Variants in SEC16A observed in about 807,000 individuals in gnomAD.
The protein encoded by SEC16A is protein transport protein Sec16A.
A neutral mutation model predicts 221.9 loss-of-function variants in SEC16A; 110 were observed. The observed-to-expected ratio is 0.50, with a 90% CI of 0.42 to 0.58. SEC16A has a LOEUF of 0.58. Ranked by LOEUF, SEC16A falls within the 20% of genes least tolerant of loss-of-function variation. The pLI is 0.00. For missense variants in SEC16A, 3,165 were observed against 3,097.8 expected (o/e 1.02, Z -0.52); for synonymous variants, 1,393 against 1,257.7 (o/e 1.11, Z -2.28).
At position 136,447,260 on chromosome 9, in the gene SEC16A, G is replaced by A; in HGVS notation, c.6664C>T (p.Pro2222Ser). The change falls in exon 27 of 32, where the codon CCA becomes TCA. Residue 2222 changes from proline (P) to serine (S), a missense_variant. By Grantham distance (74) the Pro-to-Ser change is moderately conservative. This residue lies in a region of SEC16A where 1,088 missense variants were observed against 1,089.6 expected (regional missense o/e 1.00). Coordinates refer to ENST00000684901, the MANE Select transcript of SEC16A (RefSeq NM_014866.2). The surrounding 1 kb of genome is among the most constrained non-coding windows in gnomAD (Gnocchi z 5.5). Reference sequence around the variant, plus strand: ...GGCACGAACAAGTTAGAAGGAATTGGGAGTGGCGCGAGTGGAGCGACAAAG... The same window carrying A: ...GGCACGAACAAGTTAGAAGGAATTGAGAGTGGCGCGAGTGGAGCGACAAAG... ...ADFVAPLAPL[P>S]IPSNLFVPTP... 6.3e-7 allele frequency: 1 copy of A among 1,597,030 alleles called. No individual in the cohort carries two copies. The highest frequency in any genetic ancestry group is 8.5e-7 in the Non-Finnish European group (1 of 1,172,504).
rs1839777187 is a variant in SEC16A, at chr9:136,463,530, T to A, written c.4580A>T (p.Asn1527Ile). ...NKAMKCLQNENLIDKESASLL... is the reference protein window; with the variant it reads ...NKAMKCLQNEILIDKESASLL... ...ACTTGCAGACTCTTTGTCAATTAAG[T>A]TTTCATTCTGCAAACATTTCATAGC... The change falls in exon 11 of 32, where the codon AAC becomes ATC. Residue 1527 changes from asparagine (N) to isoleucine (I), a missense_variant. Transcript: ENST00000684901. 1 of 1,613,762 alleles carries A rather than the reference T, an allele frequency of 6.2e-7. No individual in the cohort carries two copies. The highest frequency in any genetic ancestry group is 1.7e-5 in the Admixed American group (1 of 60,004).
intron 22 of SEC16A, among the ~76,000 whole-genome samples, chr9:136,451,707 AGAAACG>A (rs1415457209): frequency 2.0e-5 from 3 of 152,312 alleles, no homozygotes; most frequent in Admixed American, 6.5e-5. Flanking sequence ...CCGGGCTGGA[AGAAACG>A]GAGTGTGAGC....
chr9:136,460,596 T>C (rs1009769321), intron 13 of SEC16A, among the ~76,000 whole-genome samples: 2 of 141,310 alleles, frequency 1.4e-5, no homozygotes, highest in African/African-American at 5.1e-5. Flanking sequence ...CTTATCTCAA[T>C]ATTAAAAAAA....
chr9:136,471,764 G>A (rs1485235552), intron 4 of SEC16A, among the ~76,000 whole-genome samples: 1 of 152,256 alleles, frequency 6.6e-6, no homozygotes, highest in Non-Finnish European at 1.5e-5. Flanking sequence ...GACCAGCACA[G>A]CTAATGACCA....
chr9:136,455,107 G>A (rs745412402), intron 20 of SEC16A, among the ~76,000 whole-genome samples: 1 of 152,206 alleles, frequency 6.6e-6, no homozygotes, highest in Non-Finnish European at 1.5e-5. Context: ...CCAGGCATGC[G>A]GACCTGCGTG....
At chr9:136,458,073 C>T (rs1049211114) in intron 17 of SEC16A, among the ~76,000 whole-genome samples, 1 of 152,106 alleles carries the variant, frequency 6.6e-6, no homozygotes, top group African/African-American at 2.4e-5. Context: ...CCTCCCACCT[C>T]AGCCTCCGAG....
chr9:136,457,880 A>G (rs1399076123), intron 17 of SEC16A, among the ~76,000 whole-genome samples: 4 of 152,168 alleles, frequency 2.6e-5, no homozygotes, highest in Non-Finnish European at 4.4e-5. Flanking sequence ...CACAGTCACA[A>G]CGCCCCAAGA....
Position 136,472,105 on chromosome 9 carries a change from A to G in SEC16A, c.3574T>C (p.Tyr1192His). 1 of 1,613,714 alleles carries G rather than the reference A, an allele frequency of 6.2e-7. No individual in the cohort carries two copies. The highest frequency in any genetic ancestry group is 8.5e-7 in the Non-Finnish European group (1 of 1,179,874). The change falls in exon 4 of 32, where the codon TAC (tyrosine) becomes CAC (histidine). Residue 1192 changes from tyrosine to histidine, a missense_variant. Physicochemically the swap from Tyr to His is moderately conservative, Grantham distance 83. Around this residue, in one of 3 missense-constraint regions of SEC16A, gnomAD observed 2,030 missense variants for 1,923.1 expected, o/e 1.06. Transcript: ENST00000684901. ...CTGTATCGAGGCTCATAGAGGCTGTAGACATCCTGTGGGAGGAAGCATTTG... is the reference window on the plus strand; with the variant it reads ...CTGTATCGAGGCTCATAGAGGCTGTGGACATCCTGTGGGAGGAAGCATTTG... ...GAASLYYQDVYSLYEPRYRPY... is the reference protein window; with the variant it reads ...GAASLYYQDVHSLYEPRYRPY...
chr9:136,447,515 CT>C lies in SEC16A; in HGVS notation c.6559+53del. On this transcript the variant is annotated intron_variant, in intron 26 of 31. Coordinates refer to ENST00000684901, the MANE Select transcript of SEC16A (RefSeq NM_014866.2). The surrounding 1 kb of genome is among the most constrained non-coding windows in gnomAD (Gnocchi z 5.5). ...GCACAACAGCTACACATTGGCCTCT[CT>C]CTCTGGGACAGTTAATCGTTCAAGC... 6.4e-7 allele frequency: 1 copy of C among 1,553,438 alleles called. No homozygotes were observed. The highest frequency in any genetic ancestry group is 8.9e-7 in the Non-Finnish European group (1 of 1,129,922).
In SEC16A at chr9:136,447,322, C is replaced by T. The variant is rs1274797489; in HGVS notation, c.6602G>A (p.Gly2201Glu). 1.3e-6 allele frequency: 2 copies of T among 1,596,320 alleles called. No homozygotes were observed. The highest frequency in any genetic ancestry group is 8.5e-7 in the Non-Finnish European group (1 of 1,172,358). ...ARYVDVLNPS[G>E]TQRSEPALAP... ...GAGAGCCGGCTCGCTCCGCTGGGTC[C>T]CGCTTGGGTTCAGGACGTCAACGTA... The change falls in exon 27 of 32, where the codon GGG becomes GAG. Residue 2201 changes from glycine to glutamate, a missense_variant. Transcript: ENST00000684901. The surrounding 1 kb of genome is among the most constrained non-coding windows in gnomAD (Gnocchi z 5.5).
intron 13 of SEC16A, 82 bp from the exon 14 acceptor site, chr9:136,460,205 G>A (rs763566346): frequency 4.2e-5 from 49 of 1,170,156 alleles, no homozygotes; most frequent in African/African-American, 2.0e-4. Flanking sequence ...GCTCACGCCT[G>A]TAATCCCAGC....
At position 136,464,680 on chromosome 9, in the gene SEC16A, CCAACT is replaced by C. The variant is rs531117081; in HGVS notation, c.4304-123_4304-119del. Reference sequence around the variant, plus strand: ...AGGTTAGATTTATCACGACAGACTTCCAACTCAAAAGTCGGTAATTGTTTAATATC... The same window carrying C: ...AGGTTAGATTTATCACGACAGACTTCCAAAAGTCGGTAATTGTTTAATATC... On this transcript the variant is annotated intron_variant, in intron 8 of 31. Transcript: ENST00000684901. The C allele has an allele frequency of 1.2e-3, 1,113 of 913,870 alleles. 13 individuals are homozygous for C. The African/African-American group carries it at 0.016, about 13-fold the overall frequency. 56.6% of individuals were successfully genotyped at this position (913,870 alleles called of 1,614,324 possible).
Position 136,476,742 on chromosome 9 carries a change from G to C in SEC16A, c.874C>G (p.Leu292Val), listed in dbSNP as rs752198196. 1 of 1,608,312 alleles carries C rather than the reference G, an allele frequency of 6.2e-7. No homozygotes were observed. The highest frequency in any genetic ancestry group is 8.5e-7 in the Non-Finnish European group (1 of 1,176,200). The change falls in exon 3 of 32, where the codon CTG becomes GTG. Residue 292 changes from leucine (L) to valine (V), a missense_variant. By Grantham distance (32) the Leu-to-Val change is conservative (BLOSUM62 1). This residue lies in a region of SEC16A where 2,030 missense variants were observed against 1,923.1 expected (regional missense o/e 1.06). Coordinates refer to ENST00000684901, the MANE Select transcript of SEC16A (RefSeq NM_014866.2). ...CTTTCAGGATCAGAGTTATTGGCCA[G>C]GTGGCTTCCACTTTGCAAGTGGCTC... Reference protein sequence around the residue: ...EVSHLQSGSHLANNSDPESTF... With the variant: ...EVSHLQSGSHVANNSDPESTF...
chr9:136,466,184 G>A lies in SEC16A; in HGVS notation c.4129-48C>T, dbSNP rs748758734. 5 of 1,569,088 alleles carry A rather than the reference G, an allele frequency of 3.2e-6. No homozygotes were observed. The South Asian group carries it at 4.7e-5, about 15-fold the overall frequency. The stretch of plus-strand genomic sequence containing the variant: ...CAAAATCAATTCCCCAGGCACAGCA[G>A]TAAAACTTTAGGTACATTGCAAACA... On this transcript the variant is annotated intron_variant, in intron 7 of 31. Coordinates refer to ENST00000684901, the MANE Select transcript of SEC16A (RefSeq NM_014866.2). The surrounding 1 kb of genome is among the most constrained non-coding windows in gnomAD (Gnocchi z 5.5).
At chr9:136,451,963 T>C (rs1837872728) in intron 22 of SEC16A, among the ~76,000 whole-genome samples, 1 of 152,160 alleles carries the variant, frequency 6.6e-6, no homozygotes, top group Admixed American at 6.5e-5. Context: ...GGTTCCAGAA[T>C]GCGGTCTGTA....
Position 136,475,557 on chromosome 9 carries a change from G to A in SEC16A, c.2059C>T (p.His687Tyr), listed in dbSNP as rs1305226123. 1.2e-6 allele frequency: 2 copies of A among 1,613,456 alleles called. No individual in the cohort carries two copies. Among genetic ancestry groups the A allele is most frequent in the Non-Finnish European group, 1.7e-6 (2 of 1,179,748 alleles). The change falls in exon 3 of 32, where the codon CAC becomes TAC. Residue 687 changes from histidine (H) to tyrosine (Y), a missense_variant. Around this residue, in one of 3 missense-constraint regions of SEC16A, gnomAD observed 2,030 missense variants for 1,923.1 expected, o/e 1.06. Transcript: ENST00000684901. This position sits in a 1 kb window ranked among gnomAD's most constrained non-coding sequence, Gnocchi z 5.0. ...GGTGCCCCTGCGTGCGGAAGCATGT[G>A]CACAGCTTCCGTGGTGGAGTTAAGA... The part of the protein sequence containing the change: ...LPLNSTTEAV[H>Y]MLPHAGAPPL...
rs763342318 is a variant in SEC16A at position 136,455,620 on chromosome 9, G to A, written c.5838C>T (p.Ser1946=). Residue 1946 remains serine (S), a synonymous_variant, in exon 20 of 32, where the codon AGC becomes AGT. Coordinates refer to ENST00000684901, the MANE Select transcript of SEC16A (RefSeq NM_014866.2). ...GCTCACCTGAGGGCAGCAGCCGCAC[G>A]CTCGGGCTCGAGTGCTCAGGGCTCG... The part of the protein sequence containing the change: ...PAPSPEHSSP[S]VRLLPSAPQT... 19 of 1,575,632 alleles carry A rather than the reference G, an allele frequency of 1.2e-5. No individual in the cohort carries two copies. The highest frequency in any genetic ancestry group is 1.4e-5 in the African/African-American group (1 of 74,034).
intron 17 of SEC16A, among the ~76,000 whole-genome samples, chr9:136,457,804 C>T (rs950117908): frequency 9.2e-5 from 14 of 151,736 alleles, no homozygotes; most frequent in African/African-American, 2.4e-4. Context: ...GCAAAGTAAA[C>T]GACTAAGCTG....
Position 136,475,569 on chromosome 9 carries a change from T to G in SEC16A, c.2047A>C (p.Thr683Pro). The G allele has an allele frequency of 1.2e-6, 2 of 1,613,380 alleles. No homozygotes were observed. Among genetic ancestry groups the G allele is most frequent in the Non-Finnish European group, 1.7e-6 (2 of 1,179,730 alleles). Residue 683 changes from threonine (T) to proline (P), a missense_variant, in exon 3 of 32, where the codon ACG (threonine) becomes CCG (proline). By Grantham distance (38) the Thr-to-Pro change is conservative (BLOSUM62 -1). Around this residue, in one of 3 missense-constraint regions of SEC16A, gnomAD observed 2,030 missense variants for 1,923.1 expected, o/e 1.06. Coordinates refer to ENST00000684901, the MANE Select transcript of SEC16A (RefSeq NM_014866.2). The surrounding 1 kb of genome is among the most constrained non-coding windows in gnomAD (Gnocchi z 5.0). ...QVCPLPLNST[T>P]EAVHMLPHAG... The stretch of plus-strand genomic sequence containing the variant: ...TGCGGAAGCATGTGCACAGCTTCCG[T>G]GGTGGAGTTAAGAGGCAGGGGACAG...
Sources: allele counts gnomAD v4.1 joint callset (sites outside exome capture counted in the v4.1 genomes callset), GRCh38; gene constraint gnomAD v4.1.1; regional missense constraint gnomAD v4.1.1; non-coding constraint Gnocchi (gnomAD v3.1); transcripts MANE v1.5; gene names NCBI Gene and HGNC (gene_info 2026-07-23, HGNC 2026-07-21).